Variants in TAMM41 observed in about 807,000 individuals in gnomAD.
The protein encoded by TAMM41 is phosphatidate cytidylyltransferase, mitochondrial.
In TAMM41, 36 loss-of-function variants were observed where a neutral mutation model predicts 44.1. The ratio of observed to expected loss-of-function variants is 0.82; its 90% CI spans 0.63 to 1.08. The LOEUF (loss-of-function observed/expected upper bound fraction) is 1.08, where lower values mean the gene tolerates loss of function less well. Among genes scored for constraint, TAMM41 ranks in the 50% least tolerant of loss-of-function variants. The pLI is 0.00. For synonymous variants in TAMM41, 164 were observed against 153.1 expected (o/e 1.07, Z -0.53); for missense variants, 417 against 404.3 (o/e 1.03, Z -0.27).
At chr3:11,777,718 C>T in the TAMM41 span, among the ~76,000 whole-genome samples, 37 of 152,146 alleles carry the variant, frequency 2.4e-4, 1 homozygote, top group South Asian at 3.3e-3. Flanking sequence ...CTCTTGAACC[C>T]GGGAGGCGGA....
At chr3:11,842,057 C>T (rs1464354972) in intron 2 of TAMM41, among the ~76,000 whole-genome samples, 1 of 152,142 alleles carries the variant, frequency 6.6e-6, no homozygotes, top group Non-Finnish European at 1.5e-5. Context: ...AACCTCCTGC[C>T]CTTTAAAGCG....
At position 11,807,304 on chromosome 3, in the gene TAMM41, G is replaced by A. The variant is rs572309252; in HGVS notation, c.937+529C>T. ...TAGGAGGACAGAGGGATGGGAGGGT[G>A]CGTACATTTGATGAGGGTGGGTGCC... On this transcript the variant is annotated intron_variant, in intron 7 of 7. Transcript: ENST00000455809. 6.9e-5 allele frequency: 99 copies of A among 1,445,048 alleles called. 1 individual carries two copies. In the South Asian group the frequency reaches 1.4e-3, roughly 21 times the overall value. The allele number at this position is 1,445,048 out of a possible 1,614,324, so 89.5% of individuals were successfully genotyped here. A position where few individuals can be genotyped will look rare whatever the true frequency, so the allele number is the denominator to read the frequency against.
At chr3:11,832,141 A>T (rs1280929313) in intron 3 of TAMM41, among the ~76,000 whole-genome samples, 1 of 152,196 alleles carries the variant, frequency 6.6e-6, no homozygotes, top group African/African-American at 2.4e-5. Flanking sequence ...AAGATGATTA[A>T]AACAAATTTT....
downstream of TAMM41, among the ~76,000 whole-genome samples, chr3:11,788,450 T>G (rs962592830): frequency 6.6e-6 from 1 of 152,026 alleles, no homozygotes; most frequent in Non-Finnish European, 1.5e-5. Flanking sequence ...CACATCTAGC[T>G]AATTTGAAAA....
At chr3:11,833,031 T>C (rs778435612) in intron 3 of TAMM41, 1 of 1,094,648 alleles carries the variant, frequency 9.1e-7, no homozygotes, top group Non-Finnish European at 1.1e-6. Context: ...TTCGGAAGAT[T>C]CTGCTACTGT....
Position 11,812,928 on chromosome 3 carries a change from C to A in TAMM41, c.709-3246G>T, listed in dbSNP as rs147271663. 2.8e-3 allele frequency among the ~76,000 whole-genome samples: 420 copies of A among 152,226 alleles called. 2 individuals are homozygous for A. Among genetic ancestry groups the A allele is most frequent in the African/African-American group, 9.6e-3 (398 of 41,540 alleles). On this transcript the variant is annotated intron_variant, in intron 5 of 7. Coordinates refer to ENST00000455809, the MANE Select transcript of TAMM41 (RefSeq NM_001284401.2). ...GTAGCAGAGATGGGAGAAGATGAGT[C>A]TCAGTTGCAGCCTCAAGGCCAGATA...
chr3:11,793,355 A>G (rs2077531781), intron 7 of TAMM41, among the ~76,000 whole-genome samples: 1 of 152,198 alleles, frequency 6.6e-6, no homozygotes, highest in Non-Finnish European at 1.5e-5. Context: ...AATGAAAAAG[A>G]CCTAAACAGG....
the TAMM41 span, among the ~76,000 whole-genome samples, chr3:11,757,905 T>C: frequency 6.6e-6 from 1 of 152,064 alleles, no homozygotes; most frequent in African/African-American, 2.4e-5. Context: ...TCCTCGTTGT[T>C]TAGGAACTGA....
chr3:11,786,316 A>ATTTTTTTTT (rs1207402327), downstream of TAMM41, among the ~76,000 whole-genome samples: 81 of 134,692 alleles, frequency 6.0e-4, no homozygotes, highest in Non-Finnish European at 9.5e-5. Context: ...TATTATTATT[A>ATTTTTTTTT]TTTTTTGAGA....
the TAMM41 span, among the ~76,000 whole-genome samples, chr3:11,768,352 G>T: frequency 1.3e-5 from 2 of 151,936 alleles, no homozygotes; most frequent in African/African-American, 2.4e-5. Flanking sequence ...TGCCCAGGCT[G>T]GTCTCAAACT....
chr3:11,723,416 C>T, the TAMM41 span, among the ~76,000 whole-genome samples: 2 of 151,758 alleles, frequency 1.3e-5, no homozygotes. Context: ...CCCATCTCTA[C>T]AAAAAATCCA....
intron 7 of TAMM41, among the ~76,000 whole-genome samples, chr3:11,805,687 C>A (rs1395275104): frequency 1.3e-5 from 2 of 152,166 alleles, no homozygotes; most frequent in African/African-American, 4.8e-5. Flanking sequence ...CATACCAGCT[C>A]CCCAGCAATC....
intron 3 of TAMM41, among the ~76,000 whole-genome samples, chr3:11,836,253 A>G (rs1036732111): frequency 1.3e-5 from 2 of 152,108 alleles, no homozygotes; most frequent in Admixed American, 1.3e-4. Flanking sequence ...AGCCTCCCAA[A>G]GTGCTGGGAT....
At chr3:11,753,566 TA>T in the TAMM41 span, among the ~76,000 whole-genome samples, 7 of 148,166 alleles carry the variant, frequency 4.7e-5, no homozygotes, top group South Asian at 2.1e-4. Flanking sequence ...CTACTAAAAA[TA>T]AAAAAAAATA....
chr3:11,807,871 G>A lies in TAMM41; in HGVS notation c.899C>T (p.Ser300Phe). ...RLGLSAIVRP[S>F]SIRQSTKGIF... Reference sequence around the variant, plus strand: ...GCCTTTCGTGCTCTGTCTTATACTAGACGGTCTCACGATTGCTGAAAGCCC... The same window carrying A: ...GCCTTTCGTGCTCTGTCTTATACTAAACGGTCTCACGATTGCTGAAAGCCC... Residue 300 changes from serine to phenylalanine, a missense_variant, in exon 7 of 8, where the codon TCT (serine) becomes TTT (phenylalanine). Physicochemically the swap from Ser to Phe is radical, Grantham distance 155. Coordinates refer to ENST00000455809, the MANE Select transcript of TAMM41 (RefSeq NM_001284401.2). The A allele has an allele frequency of 6.5e-7, 1 of 1,533,194 alleles. No individual in the cohort carries two copies. The highest frequency in any genetic ancestry group is 8.7e-7 in the Non-Finnish European group (1 of 1,145,460). 95.0% of individuals were successfully genotyped at this position (1,533,194 alleles called of 1,614,324 possible). A position where few individuals can be genotyped will look rare whatever the true frequency, so the allele number is the denominator to read the frequency against.
chr3:11,817,329 G>A lies in TAMM41; in HGVS notation c.571C>T (p.Arg191Trp), dbSNP rs140891099. 9 of 1,607,184 alleles carry A rather than the reference G, an allele frequency of 5.6e-6. No homozygotes were observed. The highest frequency in any genetic ancestry group is 2.2e-5 in the East Asian group (1 of 44,766). The part of the protein sequence containing the change: ...IAGLSYSGDF[R>W]MVVGEDKTKV... Reference sequence around the variant, plus strand: ...GTTTTATCTTCTCCAACCACCATCCGAAAGTCACCTAGTTAAAACAAAGAG... The same window carrying A: ...GTTTTATCTTCTCCAACCACCATCCAAAAGTCACCTAGTTAAAACAAAGAG... The change falls in exon 5 of 8, where the codon CGG (arginine) becomes TGG (tryptophan). Residue 191 changes from arginine to tryptophan, a missense_variant. By Grantham distance (101) the Arg-to-Trp change is moderately radical. Coordinates refer to ENST00000455809, the MANE Select transcript of TAMM41 (RefSeq NM_001284401.2).
chr3:11,827,132 T>C (rs2078783953), intron 4 of TAMM41, among the ~76,000 whole-genome samples: 1 of 152,212 alleles, frequency 6.6e-6, no homozygotes. Flanking sequence ...GCTAATTTGC[T>C]TGATAAATAT....
the TAMM41 span, among the ~76,000 whole-genome samples, chr3:11,724,165 A>G: frequency 7.3e-5 from 11 of 151,668 alleles, no homozygotes; most frequent in African/African-American, 2.2e-4. Context: ...GTGCAGTGGC[A>G]TGATCTCGGC....
At chr3:11,792,944 C>T (rs1199256725) in intron 7 of TAMM41, among the ~76,000 whole-genome samples, 1 of 151,500 alleles carries the variant, frequency 6.6e-6, no homozygotes, top group African/African-American at 2.4e-5. Context: ...GCCTGTAGTC[C>T]CAGCTACTTA....
Sources: gnomAD v4.1 joint callset for allele counts (sites outside exome capture counted in the v4.1 genomes callset) on GRCh38, gnomAD v4.1.1 for gene constraint, MANE v1.5 for transcripts, NCBI Gene and HGNC (gene_info 2026-07-23, HGNC 2026-07-21) for gene names.